Variants in ARHGEF4 observed in about 807,000 individuals in gnomAD.
The protein encoded by ARHGEF4 is Rho guanine nucleotide exchange factor 4.
In ARHGEF4, 119 loss-of-function variants were observed where a neutral mutation model predicts 162.0. The ratio of observed to expected loss-of-function variants is 0.73; its 90% CI spans 0.63 to 0.86. ARHGEF4 has a LOEUF of 0.86. Ranked by LOEUF, ARHGEF4 falls within the 40% of genes least tolerant of loss-of-function variation. ARHGEF4 has a pLI of 0.00. For synonymous variants in ARHGEF4, 1,014 were observed against 979.9 expected (o/e 1.03, Z -0.65); for missense variants, 2,488 against 2,456.0 (o/e 1.01, Z -0.28).
chr2:130,934,126 A>C (rs1682799496), intron 3 of ARHGEF4, among the ~76,000 whole-genome samples: 1 of 152,210 alleles, frequency 6.6e-6, no homozygotes, highest in Admixed American at 6.5e-5. Flanking sequence ...TTATCATGAA[A>C]GGGTGCTGGA....
At chr2:130,985,015 CCA>C (rs1686389678) in intron 4 of ARHGEF4, among the ~76,000 whole-genome samples, 4 of 152,072 alleles carry the variant, frequency 2.6e-5, no homozygotes, top group African/African-American at 4.8e-5. Context: ...GGGTGCTCCC[CCA>C]TCAAGCTCTT....
intron 3 of ARHGEF4, among the ~76,000 whole-genome samples, chr2:130,936,898 CTTTTTTCTT>C (rs1682980303): frequency 5.7e-5 from 6 of 104,762 alleles, no homozygotes; most frequent in Admixed American, 2.7e-4. Context: ...TTTTTTTTTT[CTTTTTTCTT>C]TTTTTTTTTT....
chr2:130,987,672 C>T (rs1686613103), intron 4 of ARHGEF4, among the ~76,000 whole-genome samples: 1 of 152,138 alleles, frequency 6.6e-6, no homozygotes, highest in African/African-American at 2.4e-5. Flanking sequence ...TCCCCAAGTC[C>T]GCACTCGACC....
intron 4 of ARHGEF4, among the ~76,000 whole-genome samples, chr2:131,007,809 T>C (rs1166252835): frequency 2.3e-5 from 3 of 129,972 alleles, no homozygotes; most frequent in Non-Finnish European, 4.9e-5. Flanking sequence ...TCTTTTTTTT[T>C]TTTTTTTTTT....
intron 2 of ARHGEF4, among the ~76,000 whole-genome samples, chr2:130,928,287 G>A (rs955746434): frequency 1.3e-5 from 2 of 152,274 alleles, no homozygotes; most frequent in African/African-American, 2.4e-5. Context: ...TCTCCAGAGC[G>A]GTATCCTCCA....
chr2:130,966,025 T>A (rs753273614), intron 4 of ARHGEF4, among the ~76,000 whole-genome samples: 1 of 152,206 alleles, frequency 6.6e-6, no homozygotes, highest in Non-Finnish European at 1.5e-5. Context: ...GAAACGAATG[T>A]TGTGCCCCTC....
chr2:130,936,410 ATTTC>A (rs1456954833), intron 3 of ARHGEF4, among the ~76,000 whole-genome samples: 1 of 152,050 alleles, frequency 6.6e-6, no homozygotes, highest in African/African-American at 2.4e-5. Flanking sequence ...TCTATAATGT[ATTTC>A]TTTGTCTTTA....
Position 131,044,451 on chromosome 2 carries a change from C to T in ARHGEF4, c.5310C>T (p.His1770=), listed in dbSNP as rs528610602. Residue 1770 remains histidine (H), a synonymous_variant, in exon 12 of 14, where the codon CAC becomes CAT. Coordinates refer to ENST00000409359, the MANE Select transcript of ARHGEF4 (RefSeq NM_001367493.1). ...ACCGTGGCGCCACAGGGGACAGCCA[C>T]CTGCTGTGCACCAGGAAGCCCGAGC... ...RLHRGATGDS[H]LLCTRKPEQK... is the part of the protein sequence containing the mutation. 10 of 1,558,044 alleles carry T rather than the reference C, an allele frequency of 6.4e-6. No individual in the cohort carries two copies. Among genetic ancestry groups the T allele is most frequent in the East Asian group, 2.4e-5 (1 of 41,372 alleles).
intron 4 of ARHGEF4, among the ~76,000 whole-genome samples, chr2:131,023,829 T>C (rs576262154): frequency 1.3e-5 from 2 of 152,218 alleles, no homozygotes; most frequent in Non-Finnish European, 2.9e-5. Flanking sequence ...GCAGCTGTAT[T>C]CATAATAGGA....
intron 1 of ARHGEF4, among the ~76,000 whole-genome samples, chr2:130,879,596 A>G (rs1028321551): frequency 6.6e-6 from 1 of 152,036 alleles, no homozygotes; most frequent in Non-Finnish European, 1.5e-5. Context: ...CCCAATGCCC[A>G]CACCCCAGCC....
chr2:130,999,459 A>G (rs936189029), intron 4 of ARHGEF4, among the ~76,000 whole-genome samples: 1 of 152,004 alleles, frequency 6.6e-6, no homozygotes, highest in Non-Finnish European at 1.5e-5. Context: ...CCCGGCCATA[A>G]TCGAGTTTTA....
chr2:130,917,340 G>A lies in ARHGEF4; in HGVS notation c.3394G>A (p.Asp1132Asn). The A allele has an allele frequency of 3.2e-6, 5 of 1,550,546 alleles. No individual in the cohort carries two copies. Among genetic ancestry groups the A allele is most frequent in the Non-Finnish European group, 4.4e-6 (5 of 1,146,982 alleles). ...CAGCTACGTGGACAGCAGTTCAGGG[G>A]ACCCTGAAAGACCCAAGATTCCCAA... ...SYSYVDSSSG[D>N]PERPKIPKGQ... The change falls in exon 2 of 14, where the codon GAC (aspartate) becomes AAC (asparagine). Residue 1132 changes from aspartate to asparagine, a missense_variant. Asp to Asn is a conservative substitution (Grantham distance 23). Around this residue, in one of 6 missense-constraint regions of ARHGEF4, gnomAD observed 1,642 missense variants for 1,481.5 expected, o/e 1.11. Transcript: ENST00000409359.
chr2:130,985,665 C>T (rs1257303392), intron 4 of ARHGEF4, among the ~76,000 whole-genome samples: 1 of 152,198 alleles, frequency 6.6e-6, no homozygotes, highest in Admixed American at 6.5e-5. Flanking sequence ...CAGACTTCAA[C>T]AGCAGAAGGA....
intron 1 of ARHGEF4, among the ~76,000 whole-genome samples, chr2:130,890,560 T>TAA (rs1182979069): frequency 0.036 from 4,893 of 137,636 alleles, 89 homozygotes; most frequent in Middle Eastern, 0.079. Context: ...AGACTCCGTT[T>TAA]AAAAAAAAAA....
At chr2:131,007,498 A>G (rs879737301) in intron 4 of ARHGEF4, among the ~76,000 whole-genome samples, 5 of 152,202 alleles carry the variant, frequency 3.3e-5, no homozygotes, top group Non-Finnish European at 5.9e-5. Flanking sequence ...TTTAAAATAT[A>G]AACGTGTTTG....
chr2:130,916,509 G>A lies in ARHGEF4; in HGVS notation c.2563G>A (p.Ala855Thr), dbSNP rs774416972. Residue 855 changes from alanine to threonine, a missense_variant, in exon 2 of 14, where the codon GCC (alanine) becomes ACC (threonine). Ala to Thr is a moderately conservative substitution (Grantham distance 58). Around this residue, in one of 6 missense-constraint regions of ARHGEF4, gnomAD observed 1,642 missense variants for 1,481.5 expected, o/e 1.11. Transcript: ENST00000409359. Reference protein sequence around the residue: ...APPLHHGDASAWPEFVPQAAG... With the variant: ...APPLHHGDASTWPEFVPQAAG... Reference sequence around the variant, plus strand: ...GCCTCTGCACCACGGGGACGCCAGCGCCTGGCCCGAGTTTGTCCCGCAGGC... The same window carrying A: ...GCCTCTGCACCACGGGGACGCCAGCACCTGGCCCGAGTTTGTCCCGCAGGC... 1 of 1,548,698 alleles carries A rather than the reference G, an allele frequency of 6.5e-7. No homozygotes were observed.
At chr2:130,875,693 G>T (rs1559013759) in intron 1 of ARHGEF4, among the ~76,000 whole-genome samples, 1 of 152,164 alleles carries the variant, frequency 6.6e-6, no homozygotes, top group Admixed American at 6.5e-5. Flanking sequence ...CTGCCATGCT[G>T]GGGATCAAAT....
intron 1 of ARHGEF4, among the ~76,000 whole-genome samples, chr2:130,838,632 G>A (rs1472868002): frequency 2.0e-5 from 3 of 151,468 alleles, no homozygotes; most frequent in Non-Finnish European, 2.9e-5. Flanking sequence ...AAAGAAGGAA[G>A]GAAGGAAGGA....
rs368232483 is a variant in ARHGEF4, at chr2:131,038,936, T to C, written c.4209T>C (p.Ala1403=). The C allele has an allele frequency of 1.9e-6, 3 of 1,613,562 alleles. No individual in the cohort carries two copies. The African/African-American group carries it at 4.0e-5, about 22-fold the overall frequency. The stretch of plus-strand genomic sequence containing the variant: ...ACGACCAGGAGCTGGGCTTCAAAGC[T>C]GGGGACGTCATCGAAGTGATGGATG... The part of the protein sequence containing the change: ...TMDDQELGFK[A]GDVIEVMDAT... The change falls in exon 6 of 14, where the codon GCT becomes GCC. Residue 1403 remains alanine (A), a synonymous_variant. Coordinates refer to ENST00000409359, the MANE Select transcript of ARHGEF4 (RefSeq NM_001367493.1).
Sources: allele counts gnomAD v4.1 joint callset (sites outside exome capture counted in the v4.1 genomes callset), GRCh38; gene constraint gnomAD v4.1.1; regional missense constraint gnomAD v4.1.1; transcripts MANE v1.5; gene names NCBI Gene and HGNC (gene_info 2026-07-23, HGNC 2026-07-21).